The following PAM variants were observed in gnomAD, a reference collection of about 807,000 sequenced individuals.
The protein encoded by PAM is peptidyl-glycine alpha-amidating monooxygenase.
Under a neutral mutation model 122.1 loss-of-function variants are expected in PAM, and 72 were observed. That is an observed-to-expected ratio of 0.59 (90% CI 0.49 to 0.72). The LOEUF is 0.72. Among genes scored for constraint, PAM ranks in the 30% least tolerant of loss-of-function variants. PAM has a pLI of 0.00. For synonymous variants in PAM, 389 were observed against 404.4 expected (o/e 0.96, Z 0.46); for missense variants, 1,106 against 1,183.7 (o/e 0.93, Z 0.96).
intron 1 of PAM, among the ~76,000 whole-genome samples, chr5:102,767,674 A>G (rs745610445): frequency 5.9e-5 from 9 of 152,176 alleles, no homozygotes; most frequent in Non-Finnish European, 1.3e-4. Flanking sequence ...CCAAATAGCT[A>G]GATTCTTAAT....
intron 7 of PAM, among the ~76,000 whole-genome samples, chr5:102,944,256 AT>A (rs1756238700): frequency 6.6e-6 from 1 of 151,968 alleles, no homozygotes; most frequent in African/African-American, 2.4e-5. Flanking sequence ...CACTAAAATT[AT>A]TTTTATTGCA....
chr5:102,829,949 A>G (rs1250215401), intron 1 of PAM, among the ~76,000 whole-genome samples: 1 of 152,190 alleles, frequency 6.6e-6, no homozygotes, highest in Middle Eastern at 3.2e-3. Flanking sequence ...GAATCTAGAA[A>G]GAATACATAA....
At position 103,028,921 on chromosome 5, in the gene PAM, C is replaced by A. The variant is rs759221017; in HGVS notation, c.2778C>A (p.Phe926Leu). ...GTGGAGGCTTAAACCTTGGTAATTT[C>A]TTTGCAAGCCGTAAGGGCTACAGTC... Reference protein sequence around the residue: ...KGSGGLNLGNFFASRKGYSRK... With the variant: ...KGSGGLNLGNLFASRKGYSRK... The change falls in exon 26 of 26, where the codon TTC (phenylalanine) becomes TTA (leucine). Residue 926 changes from phenylalanine to leucine, a missense_variant. Around this residue, in one of 3 missense-constraint regions of PAM, gnomAD observed 333 missense variants for 335.6 expected, o/e 0.99. Transcript: ENST00000438793. The A allele has an allele frequency of 3.1e-6, 5 of 1,611,474 alleles. No individual in the cohort carries two copies. Among genetic ancestry groups the A allele is most frequent in the Admixed American group, 3.4e-5 (2 of 59,488 alleles).
At chr5:102,849,957 A>G (rs1462855327) in intron 1 of PAM, among the ~76,000 whole-genome samples, 9 of 152,204 alleles carry the variant, frequency 5.9e-5, no homozygotes, top group Non-Finnish European at 1.2e-4. Flanking sequence ...AACTATGTGT[A>G]TATATTACTC....
intron 7 of PAM, 37 bp downstream of exon 7, chr5:102,926,705 A>G (rs1351329975): frequency 1.1e-5 from 11 of 1,015,734 alleles, no homozygotes; most frequent in Non-Finnish European, 1.7e-5. Context: ...CAAAACTTCT[A>G]GTACTATATT....
chr5:102,859,682 G>A (rs1030108027), intron 1 of PAM, among the ~76,000 whole-genome samples: 2 of 152,100 alleles, frequency 1.3e-5, no homozygotes, highest in African/African-American at 4.8e-5. Flanking sequence ...GTACAGTAAT[G>A]TCCTAGGCCT....
intron 24 of PAM, among the ~76,000 whole-genome samples, chr5:103,027,593 A>G (rs969984584): frequency 2.0e-5 from 3 of 152,132 alleles, no homozygotes; most frequent in African/African-American, 7.2e-5. Flanking sequence ...TAGGTCACCT[A>G]CTATGCTTGG....
chr5:102,913,383 G>A (rs575375777), intron 4 of PAM, among the ~76,000 whole-genome samples: 11 of 151,840 alleles, frequency 7.2e-5, no homozygotes, highest in East Asian at 1.9e-4. Context: ...TATGTCTTTC[G>A]TATTTTTGTA....
intron 15 of PAM, among the ~76,000 whole-genome samples, chr5:102,980,398 G>A (rs900668601): frequency 8.6e-5 from 13 of 152,044 alleles, no homozygotes; most frequent in African/African-American, 3.1e-4. Context: ...TCTTTAATAA[G>A]GATTTTAAAT....
chr5:103,004,771 C>T (rs1011185214), intron 17 of PAM, among the ~76,000 whole-genome samples: 20 of 152,026 alleles, frequency 1.3e-4, no homozygotes, highest in African/African-American at 4.1e-4. Flanking sequence ...ATGTTTTAAC[C>T]GCAAACTATA....
chr5:102,861,951 C>T (rs1784308813), intron 1 of PAM, among the ~76,000 whole-genome samples: 1 of 152,114 alleles, frequency 6.6e-6, no homozygotes, highest in South Asian at 2.1e-4. Context: ...AGGCAGATCA[C>T]TTGAGCTCAG....
intron 21 of PAM, among the ~76,000 whole-genome samples, chr5:103,016,660 C>T (rs984818668): frequency 6.6e-6 from 1 of 151,914 alleles, no homozygotes; most frequent in Non-Finnish European, 1.5e-5. Context: ...TATTAAAATA[C>T]AGAGCATCTG....
At chr5:102,952,715 G>C (rs1331961697) in intron 12 of PAM, among the ~76,000 whole-genome samples, 2 of 152,118 alleles carry the variant, frequency 1.3e-5, no homozygotes, top group Admixed American at 1.3e-4. Flanking sequence ...ATGTGTCTCT[G>C]TTTTATAAAA....
chr5:102,820,776 A>G (rs1272015078), intron 1 of PAM, among the ~76,000 whole-genome samples: 2 of 152,190 alleles, frequency 1.3e-5, no homozygotes, highest in Non-Finnish European at 2.9e-5. Flanking sequence ...AAAACATGCT[A>G]TGTAGTACTT....
chr5:102,977,694 AC>A (rs2150513161), intron 15 of PAM, among the ~76,000 whole-genome samples: 1 of 137,822 alleles, frequency 7.3e-6, no homozygotes, highest in East Asian at 2.3e-4. Context: ...ACACACACAC[AC>A]ACACAAAATA....
chr5:102,875,094 C>T (rs1460836338), intron 3 of PAM, among the ~76,000 whole-genome samples: 1 of 151,934 alleles, frequency 6.6e-6, no homozygotes, highest in Non-Finnish European at 1.5e-5. Flanking sequence ...TGTCTATACA[C>T]ACACACATAT....
intron 15 of PAM, among the ~76,000 whole-genome samples, chr5:102,981,887 A>T (rs1185320936): frequency 6.6e-6 from 1 of 152,216 alleles, no homozygotes; most frequent in Non-Finnish European, 1.5e-5. Flanking sequence ...CTGTTGATTT[A>T]TCTAGTCATT....
chr5:102,812,494 CAACT>C (rs1768230411), intron 1 of PAM, among the ~76,000 whole-genome samples: 1 of 151,980 alleles, frequency 6.6e-6, no homozygotes, highest in South Asian at 2.1e-4. Flanking sequence ...GAAAGAAAAC[CAACT>C]GTTTTCCTAC....
At chr5:103,018,563 C>T (rs749104497) in intron 22 of PAM, among the ~76,000 whole-genome samples, 4 of 152,146 alleles carry the variant, frequency 2.6e-5, no homozygotes, top group Non-Finnish European at 5.9e-5. Flanking sequence ...GTGGCTCTCT[C>T]ACCACCCGAA....
Sources: allele counts gnomAD v4.1 joint callset (sites outside exome capture counted in the v4.1 genomes callset), GRCh38; gene constraint gnomAD v4.1.1; regional missense constraint gnomAD v4.1.1; transcripts MANE v1.5; gene names NCBI Gene and HGNC (gene_info 2026-07-23, HGNC 2026-07-21).